The following IDH3B variants were observed in gnomAD, a reference collection of about 807,000 sequenced individuals.
IDH3B encodes isocitrate dehydrogenase (NAD(+)) 3 non-catalytic subunit beta.
A neutral mutation model predicts 47.5 loss-of-function variants in IDH3B; 40 were observed. The observed-to-expected ratio is 0.84, with a 90% CI of 0.65 to 1.10. IDH3B has a LOEUF of 1.10. IDH3B is among the 50% of genes least tolerant of loss of function. The probability of loss-of-function intolerance (pLI) is 0.00; values close to 1 mark genes in which losing one functional copy is unlikely to be tolerated. For missense variants in IDH3B, 450 were observed against 505.2 expected (o/e 0.89, Z 1.05); for synonymous variants, 185 against 191.0 (o/e 0.97, Z 0.26).
intron 4 of IDH3B, among the ~76,000 whole-genome samples, chr20:2,661,292 G>T (rs1469572933): frequency 6.6e-6 from 1 of 151,982 alleles, no homozygotes; most frequent in East Asian, 1.9e-4. Context: ...TGCCTCCCAG[G>T]TTCAAGCAAT....
At chr20:2,659,015 A>G in intron 11 of IDH3B, 178 bp from the exon 12 acceptor site, 3 of 1,277,074 alleles carry the variant, frequency 2.3e-6, no homozygotes, top group Non-Finnish European at 3.0e-6. Context: ...CACTCCTCTT[A>G]AGCCACTATT....
intron 4 of IDH3B, among the ~76,000 whole-genome samples, chr20:2,663,224 G>A (rs1488468461): frequency 6.6e-6 from 1 of 152,040 alleles, no homozygotes; most frequent in African/African-American, 2.4e-5. Context: ...AGTTGATGTA[G>A]CCTCAGGACA....
At chr20:2,661,907 T>C (rs1187611575) in intron 4 of IDH3B, among the ~76,000 whole-genome samples, 1 of 152,196 alleles carries the variant, frequency 6.6e-6, no homozygotes, top group Non-Finnish European at 1.5e-5. Flanking sequence ...CAGATGTAAT[T>C]AAGTTAAGGA....
chr20:2,663,028 G>A (rs1290903588), intron 4 of IDH3B, among the ~76,000 whole-genome samples: 2 of 152,022 alleles, frequency 1.3e-5, no homozygotes, highest in South Asian at 2.1e-4. Flanking sequence ...TCAGGAGGCT[G>A]AGGCAGGAGA....
chr20:2,658,911 T>C, intron 11 of IDH3B, 74 bp from the exon 12 acceptor site: 4 of 1,602,120 alleles, frequency 2.5e-6, no homozygotes, highest in Admixed American at 1.7e-5. Flanking sequence ...GCAATGTGAT[T>C]GAGGAAATGG....
rs959753973 is a variant in IDH3B at position 2,662,860 on chromosome 20, G to C, written c.337+586C>G. ...ACCAGCCAGCTACTCAGGAGGCTGA[G>C]GCAGGAGAATCACTTGAACCCGGGA... On this transcript the variant is annotated intron_variant, in intron 4 of 11. Transcript: ENST00000380843. 5.9e-5 allele frequency among the ~76,000 whole-genome samples: 9 copies of C among 152,240 alleles called. No individual in the cohort carries two copies. The East Asian group carries it at 1.7e-3, about 29-fold the overall frequency.
rs757133714 is a variant in IDH3B, at chr20:2,660,562, T to C, written c.560A>G (p.Lys187Arg). The C allele has an allele frequency of 1.2e-6, 2 of 1,614,066 alleles. No individual in the cohort carries two copies. The highest frequency in any genetic ancestry group is 1.7e-6 in the Non-Finnish European group (2 of 1,180,020). Residue 187 changes from lysine to arginine, a missense_variant, in exon 7 of 12, where the codon AAG becomes AGG. Coordinates refer to ENST00000380843, the MANE Select transcript of IDH3B (RefSeq NM_006899.5). This position sits in a 1 kb window ranked among gnomAD's most constrained non-coding sequence, Gnocchi z 5.6. ...ESARGVIECLKIVTRAKSQRI... is the reference protein window; with the variant it reads ...ESARGVIECLRIVTRAKSQRI... ...CTGAGACTTGGCTCGTGTGACAATC[T>C]TCAAACACTCAATCACACCCCTTGC...
chr20:2,659,637 A>AT, intron 10 of IDH3B, 52 bp from the exon 11 acceptor site: 1 of 1,609,166 alleles, frequency 6.2e-7, no homozygotes, highest in East Asian at 2.2e-5. Context: ...ACCTCCCGCT[A>AT]ATTTCCCCAC....
In IDH3B at chr20:2,664,008, G is replaced by A; in HGVS notation, c.37-3C>T. The A allele has an allele frequency of 6.2e-7, 1 of 1,614,046 alleles. No homozygotes were observed. Among genetic ancestry groups the A allele is most frequent in the Non-Finnish European group, 8.5e-7 (1 of 1,179,986 alleles). ...GGGTTCCCGGCGGAGACCAGCGCCTGCAACAGGGACACACAAGCCTGTAAG... is the reference window on the plus strand; with the variant it reads ...GGGTTCCCGGCGGAGACCAGCGCCTACAACAGGGACACACAAGCCTGTAAG... On this transcript the variant is annotated splice_polypyrimidine_tract_variant and splice_region_variant and intron_variant, in intron 1 of 11. Coordinates refer to ENST00000380843, the MANE Select transcript of IDH3B (RefSeq NM_006899.5).
rs989620948 is a variant in IDH3B at position 2,659,211 on chromosome 20, C to T, written c.1071+314G>A. 1.9e-4 allele frequency: 269 copies of T among 1,390,124 alleles called. 1 individual carries two copies. The highest frequency in any genetic ancestry group is 5.4e-4 in the Middle Eastern group (2 of 3,726). 86.1% of individuals were successfully genotyped at this position (1,390,124 alleles called of 1,614,324 possible). On this transcript the variant is annotated intron_variant, in intron 11 of 11. Transcript: ENST00000380843. Reference sequence around the variant, plus strand: ...AGCTGATGCTTCAGCCTGCCTGTATCCCTTGCTGTTCCACCCCCAAGGAGA... The same window carrying T: ...AGCTGATGCTTCAGCCTGCCTGTATTCCTTGCTGTTCCACCCCCAAGGAGA...
Position 2,660,446 on chromosome 20 carries a change from A to G in IDH3B, c.665+11T>C. ...CCAGGAACCCATCCTACACAAAGCC[A>G]TGCCCCTCACATGATGTTGGCCTTG... On this transcript the variant is annotated intron_variant, in intron 7 of 11. Transcript: ENST00000380843. The surrounding 1 kb of genome is among the most constrained non-coding windows in gnomAD (Gnocchi z 5.6). 6.2e-7 allele frequency: 1 copy of G among 1,613,966 alleles called. No individual in the cohort carries two copies. The highest frequency in any genetic ancestry group is 8.5e-7 in the Non-Finnish European group (1 of 1,179,990).
At chr20:2,659,946 C>T in intron 9 of IDH3B, 84 bp downstream of exon 9, 1 of 1,575,982 alleles carries the variant, frequency 6.3e-7, no homozygotes, top group Non-Finnish European at 8.7e-7. Flanking sequence ...AGGCCAAGAT[C>T]ACTTAGGAAG....
At position 2,660,892 on chromosome 20, in the gene IDH3B, C is replaced by T. The variant is rs201492229; in HGVS notation, c.398+17G>A. The T allele has an allele frequency of 2.5e-6, 4 of 1,614,164 alleles. No homozygotes were observed. The highest frequency in any genetic ancestry group is 3.4e-6 in the Non-Finnish European group (4 of 1,180,030). On this transcript the variant is annotated intron_variant, in intron 5 of 11. Transcript: ENST00000380843. The surrounding 1 kb of genome is among the most constrained non-coding windows in gnomAD (Gnocchi z 5.6). ...CCCTGGCACCTCTCAACCATTCACCCCACCCAGACCACCTACCTCAGCCGC... is the reference window on the plus strand; with the variant it reads ...CCCTGGCACCTCTCAACCATTCACCTCACCCAGACCACCTACCTCAGCCGC...
intron 9 of IDH3B, 57 bp downstream of exon 9, chr20:2,659,973 G>A (rs200466293): frequency 1.2e-6 from 2 of 1,608,122 alleles, no homozygotes; most frequent in Admixed American, 3.3e-5. Flanking sequence ...TATTGGGATG[G>A]GAGAGGAATG....
At chr20:2,659,449 CCCAGAGGGT>C in intron 11 of IDH3B, 67 bp downstream of exon 11, 2 of 1,555,858 alleles carry the variant, frequency 1.3e-6, no homozygotes, top group Non-Finnish European at 1.8e-6. Context: ...ATTCAGGTTC[CCCAGAGGGT>C]AGTGCCGAGG....
intron 4 of IDH3B, 26 bp downstream of exon 4, chr20:2,663,420 G>A (rs374299431): frequency 6.2e-7 from 1 of 1,613,686 alleles, no homozygotes; most frequent in South Asian, 1.1e-5. Context: ...ATGGCACATG[G>A]ACAAGTGGCA....
In IDH3B at chr20:2,658,569, A is replaced by C; in HGVS notation, c.*182T>G. ...ATCCATGTGGCCTGGGCTCCATCCT[A>C]ACAATCCCCATCACCACCCAACAGT... On this transcript the variant is annotated 3_prime_UTR_variant, in exon 12 of 12. Transcript: ENST00000380843. 1 of 1,612,598 alleles carries C rather than the reference A, an allele frequency of 6.2e-7. No homozygotes were observed. Among genetic ancestry groups the C allele is most frequent in the African/African-American group, 1.3e-5 (1 of 74,982 alleles).
chr20:2,660,300 T>C lies in IDH3B; in HGVS notation c.731A>G (p.Lys244Arg). The change falls in exon 8 of 12, where the codon AAA (lysine) becomes AGA (arginine). Residue 244 changes from lysine (K) to arginine (R), a missense_variant. Lys to Arg is a conservative substitution (Grantham distance 26, BLOSUM62 2). Transcript: ENST00000380843. This position sits in a 1 kb window ranked among gnomAD's most constrained non-coding sequence, Gnocchi z 5.6. ...GTTGTCTATGATCATTGTCTCAAAT[T>C]TGATTTTGGGGTACAGTTCAGCAAC... ...EEVAELYPKI[K>R]FETMIIDNCC... 6.2e-7 allele frequency: 1 copy of C among 1,614,134 alleles called. No individual in the cohort carries two copies. Among genetic ancestry groups the C allele is most frequent in the Non-Finnish European group, 8.5e-7 (1 of 1,180,028 alleles).
chr20:2,661,030 C>A, intron 4 of IDH3B, 61 bp from the exon 5 acceptor site: 1 of 1,420,192 alleles, frequency 7.0e-7, no homozygotes, highest in South Asian at 1.2e-5. Context: ...GGAACTCAGA[C>A]CAGTGTCTAA....
Sources: allele counts gnomAD v4.1 joint callset (sites outside exome capture counted in the v4.1 genomes callset), GRCh38; gene constraint gnomAD v4.1.1; non-coding constraint Gnocchi (gnomAD v3.1); transcripts MANE v1.5; gene names NCBI Gene and HGNC (gene_info 2026-07-23, HGNC 2026-07-21).